The following DAAM1 variants were observed in gnomAD, a reference collection of about 807,000 sequenced individuals.
DAAM1 encodes the protein disheveled-associated activator of morphogenesis 1.
In DAAM1, 52 loss-of-function variants were observed where a neutral mutation model predicts 130.0. The observed-to-expected ratio is 0.40, with a 90% CI of 0.32 to 0.50. The LOEUF (loss-of-function observed/expected upper bound fraction) is 0.50. DAAM1 is among the 20% of genes least tolerant of loss of function. The pLI is 0.61. For synonymous variants in DAAM1, 452 were observed against 444.5 expected (o/e 1.02, Z -0.21); for missense variants, 1,134 against 1,303.8 (o/e 0.87, Z 2.01).
At chr14:59,362,579 G>C (rs1886750185) in intron 22 of DAAM1, 1 of 150,080 alleles carries the variant, frequency 6.7e-6, no homozygotes. Context: ...TAATTGATGA[G>C]TTTTCACTTC....
chr14:59,256,499 T>C (rs1221405491), intron 1 of DAAM1, among the ~76,000 whole-genome samples: 1 of 152,216 alleles, frequency 6.6e-6, no homozygotes, highest in African/African-American at 2.4e-5. Flanking sequence ...TTAAATTGTT[T>C]CCTTGTGTAT....
Position 59,367,518 on chromosome 14 carries a change from T to A in DAAM1, c.2916T>A (p.Ala972=), listed in dbSNP as rs144773815. ...FFGIFDQFLQ[A]VSEAKQENEN... is the part of the protein sequence containing the mutation. ...GCATTTTTGATCAATTTCTTCAAGC[T>A]GTGTCAGAAGCCAAACAAGAAAACG... The change falls in exon 24 of 25, where the codon GCT becomes GCA. Residue 972 remains alanine (A), a synonymous_variant. Transcript: ENST00000360909. The A allele has an allele frequency of 3.7e-6, 6 of 1,613,756 alleles. No individual in the cohort carries two copies. Among genetic ancestry groups the A allele is most frequent in the Non-Finnish European group, 4.2e-6 (5 of 1,179,902 alleles).
intron 16 of DAAM1, among the ~76,000 whole-genome samples, chr14:59,345,271 A>G (rs1474702836): frequency 1.3e-5 from 2 of 152,210 alleles, no homozygotes; most frequent in Non-Finnish European, 2.9e-5. Context: ...TCATGAGGCA[A>G]TGATTGTCCC....
chr14:59,193,062 A>ACAG (rs1887780769), intron 1 of DAAM1, among the ~76,000 whole-genome samples: 1 of 151,720 alleles, frequency 6.6e-6, no homozygotes, highest in Non-Finnish European at 1.5e-5. Flanking sequence ...CAAAACAACA[A>ACAG]CAACAACAAC....
At chr14:59,234,921 T>C (rs1438107357) in intron 1 of DAAM1, among the ~76,000 whole-genome samples, 1 of 152,136 alleles carries the variant, frequency 6.6e-6, no homozygotes, top group Non-Finnish European at 1.5e-5. Flanking sequence ...TTTTCCTTGG[T>C]TCTGTTTATG....
intron 2 of DAAM1, chr14:59,264,091 A>T: frequency 4.9e-6 from 1 of 203,168 alleles, no homozygotes; most frequent in South Asian, 9.1e-5. Context: ...TTAAAAAATT[A>T]GTCATACTTT....
At chr14:59,283,089 G>A (rs1883293108) in intron 2 of DAAM1, among the ~76,000 whole-genome samples, 1 of 152,056 alleles carries the variant, frequency 6.6e-6, no homozygotes, top group African/African-American at 2.4e-5. Context: ...TGAATTTCTA[G>A]GTTTTAGGAA....
intron 17 of DAAM1, among the ~76,000 whole-genome samples, chr14:59,351,734 G>A (rs1171363039): frequency 1.3e-5 from 2 of 149,928 alleles, no homozygotes; most frequent in African/African-American, 5.0e-5. Flanking sequence ...GAGCCTCAAA[G>A]TCAAGAAGGT....
chr14:59,278,271 A>G (rs1055604155), intron 2 of DAAM1, among the ~76,000 whole-genome samples: 33 of 152,106 alleles, frequency 2.2e-4, no homozygotes, highest in African/African-American at 8.0e-4. Flanking sequence ...GTCAGGAGGA[A>G]GATCATCTGC....
rs750398279 is a variant in DAAM1, at chr14:59,359,435, A to G, written c.2564A>G (p.Glu855Gly). ...TTGCACTATCTCATCACTATTGTGG[A>G]AAATAAGTACCCCAGTGTTCTCAAT... Reference protein sequence around the residue: ...TLLHYLITIVENKYPSVLNLN... With the variant: ...TLLHYLITIVGNKYPSVLNLN... The change falls in exon 21 of 25, where the codon GAA becomes GGA. Residue 855 changes from glutamate (E) to glycine (G), a missense_variant. This residue lies in a region of DAAM1 where 644 missense variants were observed against 695.9 expected (regional missense o/e 0.93). Transcript: ENST00000360909. 2.5e-6 allele frequency: 4 copies of G among 1,613,738 alleles called. No homozygotes were observed. In the African/African-American group the frequency reaches 5.3e-5, roughly 22 times the overall value.
At chr14:59,316,542 A>G (rs972332462) in intron 4 of DAAM1, among the ~76,000 whole-genome samples, 6 of 152,242 alleles carry the variant, frequency 3.9e-5, no homozygotes, top group African/African-American at 1.4e-4. Context: ...GTCTAAAAGC[A>G]TAGCAGAAAT....
Position 59,370,374 on chromosome 14 carries a change from G to C in DAAM1, c.*1515G>C, listed in dbSNP as rs1887117628. 6.6e-6 allele frequency: 1 copy of C among 151,848 alleles called. No homozygotes were observed. Among genetic ancestry groups the C allele is most frequent in the Admixed American group, 6.6e-5 (1 of 15,234 alleles). The allele number at this position is 151,848 out of a possible 1,614,324, so 9.4% of individuals were successfully genotyped here. On this transcript the variant is annotated 3_prime_UTR_variant, in exon 25 of 25. Coordinates refer to ENST00000360909, the MANE Select transcript of DAAM1 (RefSeq NM_001270520.2). Reference sequence around the variant, plus strand: ...TACCAGGCATAGTAGGGCTACAATGGTAAGCAAGACAGAGTCCCTGCCCCC... The same window carrying C: ...TACCAGGCATAGTAGGGCTACAATGCTAAGCAAGACAGAGTCCCTGCCCCC...
chr14:59,251,620 T>C (rs1033644928), intron 1 of DAAM1, among the ~76,000 whole-genome samples: 3 of 152,146 alleles, frequency 2.0e-5, no homozygotes, highest in Non-Finnish European at 2.9e-5. Context: ...ATGCCTTTAA[T>C]CATCAGAGAA....
intron 23 of DAAM1, among the ~76,000 whole-genome samples, chr14:59,366,496 A>G (rs1285002948): frequency 6.6e-6 from 1 of 152,240 alleles, no homozygotes; most frequent in Non-Finnish European, 1.5e-5. Flanking sequence ...AAGACAAGTT[A>G]AAAGTACAAG....
chr14:59,351,398 G>A (rs975372072), intron 17 of DAAM1, among the ~76,000 whole-genome samples: 1 of 152,106 alleles, frequency 6.6e-6, no homozygotes, highest in Non-Finnish European at 1.5e-5. Context: ...GTATGTCCCA[G>A]TGCCCTCAAA....
chr14:59,239,762 G>A (rs1225277375), intron 1 of DAAM1, among the ~76,000 whole-genome samples: 1 of 152,148 alleles, frequency 6.6e-6, no homozygotes, highest in Admixed American at 6.5e-5. Context: ...GAAAATGACA[G>A]GGCGGGGGCC....
At chr14:59,219,305 TC>T (rs1050303894) in intron 1 of DAAM1, among the ~76,000 whole-genome samples, 2 of 152,164 alleles carry the variant, frequency 1.3e-5, no homozygotes, top group African/African-American at 2.4e-5. Flanking sequence ...TGGGGTTTTT[TC>T]TTTTTTTTAA....
At chr14:59,294,474 T>C (rs8012197) in intron 3 of DAAM1, among the ~76,000 whole-genome samples, 16,796 of 152,202 alleles carry the variant, frequency 0.11, 1,497 homozygotes, top group African/African-American at 0.25. Flanking sequence ...AAGAGATGGA[T>C]GTTGAGGCCT....
chr14:59,337,394 C>G (rs948167732), intron 15 of DAAM1, among the ~76,000 whole-genome samples: 1 of 152,172 alleles, frequency 6.6e-6, no homozygotes, highest in Non-Finnish European at 1.5e-5. Flanking sequence ...CATTCTGTTT[C>G]TCACTAGAGG....
Sources: allele counts gnomAD v4.1 joint callset (sites outside exome capture counted in the v4.1 genomes callset), GRCh38; gene constraint gnomAD v4.1.1; regional missense constraint gnomAD v4.1.1; transcripts MANE v1.5; gene names NCBI Gene and HGNC (gene_info 2026-07-23, HGNC 2026-07-21).